Variants in PTPRS observed in about 807,000 individuals in gnomAD.
PTPRS encodes receptor-type tyrosine-protein phosphatase S.
A neutral mutation model predicts 215.3 loss-of-function variants in PTPRS; 63 were observed. That is an observed-to-expected ratio of 0.29 (90% confidence interval 0.24 to 0.36). The LOEUF (loss-of-function observed/expected upper bound fraction) is 0.36. PTPRS is among the 10% of genes least tolerant of loss of function. The probability of loss-of-function intolerance (pLI) is 1.00; values close to 1 mark genes in which losing one functional copy is unlikely to be tolerated. For missense variants in PTPRS, 2,258 were observed against 2,825.8 expected (o/e 0.80, Z 4.56); for synonymous variants, 1,404 against 1,191.4 (o/e 1.18, Z -3.68).
chr19:5,223,343 A>G (rs1180322547), intron 17 of PTPRS, 46 bp from the exon 18 acceptor site: 1 of 1,418,052 alleles, frequency 7.1e-7, no homozygotes, highest in Non-Finnish European at 9.1e-7. Context: ...GCCATCCGCC[A>G]GCCCAGAGGC....
In PTPRS at chr19:5,208,030, G is replaced by A; in HGVS notation, c.5670C>T (p.Phe1890=). ...GCTCCAGCACGATGCTAAGCGTGAT[G>A]AAGACGCCCGTCCTGCCCACGCCGG... ...CSAGVGRTGV[F]ITLSIVLERM... is the part of the protein sequence containing the mutation. Residue 1890 remains phenylalanine, a synonymous_variant, in exon 37 of 38, where the codon TTC becomes TTT. Transcript: ENST00000262963. The A allele has an allele frequency of 6.2e-7, 1 of 1,613,686 alleles. No individual in the cohort carries two copies. The highest frequency in any genetic ancestry group is 8.5e-7 in the Non-Finnish European group (1 of 1,179,888).
Position 5,258,001 on chromosome 19 carries a change from A to G in PTPRS, c.706+16T>C, listed in dbSNP as rs757675132. 6.2e-7 allele frequency: 1 copy of G among 1,607,132 alleles called. No homozygotes were observed. The highest frequency in any genetic ancestry group is 1.7e-5 in the Admixed American group (1 of 59,926). On this transcript the variant is annotated intron_variant, in intron 8 of 37. Transcript: ENST00000262963. ...GGGCGGGTCCCTGCCTTTGACCTGG[A>G]CGCGGCGTTCCCTACCTCGCACGTA... is the stretch of plus-strand genomic sequence containing the variant.
At position 5,223,104 on chromosome 19, in the gene PTPRS, G is replaced by C. The variant is rs539486011; in HGVS notation, c.2688C>G (p.His896Gln). ...GCCGGAACACATACGTGGCCCCCTT[G>C]TGCACGCCTGATGCCGTGTAGCGGT... Reference protein sequence around the residue: ...SEDRYTASGVHKGATYVFRLA... With the variant: ...SEDRYTASGVQKGATYVFRLA... Residue 896 changes from histidine (H) to glutamine (Q), a missense_variant, in exon 18 of 38, where the codon CAC becomes CAG. Physicochemically the swap from His to Gln is conservative, Grantham distance 24 (BLOSUM62 0). Around this residue, in one of 6 missense-constraint regions of PTPRS, gnomAD observed 361 missense variants for 332.6 expected, o/e 1.09. Coordinates refer to ENST00000262963, the MANE Select transcript of PTPRS (RefSeq NM_002850.4). The C allele has an allele frequency of 1.9e-6, 3 of 1,566,166 alleles. No individual in the cohort carries two copies. The highest frequency in any genetic ancestry group is 2.6e-6 in the Non-Finnish European group (3 of 1,156,124).
intron 2 of PTPRS, among the ~76,000 whole-genome samples, chr19:5,282,504 G>C (rs888350777): frequency 1.3e-5 from 2 of 152,094 alleles, no homozygotes; most frequent in African/African-American, 4.8e-5. Flanking sequence ...AGCAAAACAG[G>C]CTCAGAAAGG....
chr19:5,244,000 G>C lies in PTPRS; in HGVS notation c.1471C>G (p.Leu491Val), dbSNP rs1223052760. ...DDSLLTTVGSLLEDETYTVRV... is the reference protein window; with the variant it reads ...DDSLLTTVGSVLEDETYTVRV... ...ACGGTGTAGGTCTCGTCCTCCAGCA[G>C]GCTGCCCACGGTGGTCAGCAGGCTG... The change falls in exon 11 of 38, where the codon CTG becomes GTG. Residue 491 changes from leucine (L) to valine (V), a missense_variant. Coordinates refer to ENST00000262963, the MANE Select transcript of PTPRS (RefSeq NM_002850.4). 1 of 1,473,976 alleles carries C rather than the reference G, an allele frequency of 6.8e-7. No homozygotes were observed. 91.3% of individuals were successfully genotyped at this position (1,473,976 alleles called of 1,614,324 possible). A position where few individuals can be genotyped will look rare whatever the true frequency, so the allele number is the denominator to read the frequency against.
intron 9 of PTPRS, among the ~76,000 whole-genome samples, chr19:5,246,700 A>G (rs1203068816): frequency 6.6e-6 from 1 of 152,172 alleles, no homozygotes; most frequent in Non-Finnish European, 1.5e-5. Flanking sequence ...CCCACTCCCC[A>G]GTGACCTGGG....
chr19:5,263,827 G>A (rs1015980168), intron 5 of PTPRS, among the ~76,000 whole-genome samples: 16 of 152,202 alleles, frequency 1.1e-4, no homozygotes, highest in South Asian at 4.1e-4. Flanking sequence ...AGATGCAGGC[G>A]GACACTTTGC....
Position 5,244,449 on chromosome 19 carries a change from G to A in PTPRS, c.1022C>T (p.Thr341Ile). 6.2e-7 allele frequency: 1 copy of A among 1,614,144 alleles called. No homozygotes were observed. The highest frequency in any genetic ancestry group is 8.5e-7 in the Non-Finnish European group (1 of 1,180,002). ...GGTGATGCTGGTGGCTGTGTTCTCA[G>A]TCACCATGGGAGTCCCGGGAGCTTT... is the stretch of plus-strand genomic sequence containing the variant. ...LPKAPGTPMV[T>I]ENTATSITIT... is the part of the protein sequence containing the mutation. The change falls in exon 11 of 38, where the codon ACT (threonine) becomes ATT (isoleucine). Residue 341 changes from threonine to isoleucine, a missense_variant. By Grantham distance (89) the Thr-to-Ile change is moderately conservative. Around this residue, in one of 6 missense-constraint regions of PTPRS, gnomAD observed 508 missense variants for 799.4 expected, o/e 0.64. Transcript: ENST00000262963. The surrounding 1 kb of genome is among the most constrained non-coding windows in gnomAD (Gnocchi z 7.2).
At chr19:5,256,429 A>G (rs1469226606) in intron 8 of PTPRS, among the ~76,000 whole-genome samples, 1 of 151,634 alleles carries the variant, frequency 6.6e-6, no homozygotes, top group Non-Finnish European at 1.5e-5. Flanking sequence ...ACAGAACCTC[A>G]CCCCCTCAAC....
intron 17 of PTPRS, among the ~76,000 whole-genome samples, chr19:5,223,519 G>C (rs2042199861): frequency 6.6e-6 from 1 of 151,186 alleles, no homozygotes; most frequent in Non-Finnish European, 1.5e-5. Flanking sequence ...GCCTCCCAAA[G>C]TGCTAGGATT....
rs61729779 is a variant in PTPRS at position 5,244,463 on chromosome 19, C to G, written c.1008G>C (p.Gly336=). 341 of 1,613,766 alleles carry G rather than the reference C, an allele frequency of 2.1e-4. 8 individuals are homozygous for G. In the East Asian group the frequency reaches 7.6e-3, roughly 36 times the overall value. ...CTGTGTTCTCAGTCACCATGGGAGT[C>G]CCGGGAGCTTTGGGGAGAGCTGTGG... The part of the protein sequence containing the change: ...ITVKSLPKAP[G]TPMVTENTAT... Residue 336 remains glycine (G), a synonymous_variant, in exon 11 of 38, where the codon GGG becomes GGC. Coordinates refer to ENST00000262963, the MANE Select transcript of PTPRS (RefSeq NM_002850.4). The surrounding 1 kb of genome is among the most constrained non-coding windows in gnomAD (Gnocchi z 7.2).
intron 35 of PTPRS, 77 bp from the exon 36 acceptor site, chr19:5,208,468 A>G (rs1466417801): frequency 2.3e-6 from 3 of 1,306,790 alleles, no homozygotes; most frequent in East Asian, 2.7e-5. Context: ...CCCTATCTTC[A>G]CCCCCATTTT....
intron 1 of PTPRS, among the ~76,000 whole-genome samples, chr19:5,327,204 G>A (rs1462138710): frequency 3.3e-5 from 5 of 152,266 alleles, no homozygotes; most frequent in South Asian, 2.1e-4. Flanking sequence ...TCAATACCCC[G>A]GACACAGCGA....
At chr19:5,280,943 C>G (rs2047797420) in intron 2 of PTPRS, among the ~76,000 whole-genome samples, 1 of 151,748 alleles carries the variant, frequency 6.6e-6, no homozygotes, top group Non-Finnish European at 1.5e-5. Context: ...AGGAACCCAC[C>G]ACAACACCCA....
At chr19:5,319,670 C>T (rs939108919) in intron 1 of PTPRS, among the ~76,000 whole-genome samples, 1 of 152,000 alleles carries the variant, frequency 6.6e-6, no homozygotes, top group Non-Finnish European at 1.5e-5. Flanking sequence ...TGGGCTCCAG[C>T]CACACAGGCC....
At chr19:5,305,763 ATATT>A (rs1203595638) in intron 1 of PTPRS, among the ~76,000 whole-genome samples, 2 of 113,690 alleles carry the variant, frequency 1.8e-5, no homozygotes, top group African/African-American at 4.3e-5. Context: ...ATATATATAT[ATATT>A]TTTTTTTTAA....
chr19:5,310,936 G>A (rs963734356), intron 1 of PTPRS, among the ~76,000 whole-genome samples: 5 of 151,974 alleles, frequency 3.3e-5, no homozygotes, highest in Admixed American at 6.6e-5. Flanking sequence ...CCAGACTGGC[G>A]TGCAGTGGCG....
chr19:5,332,932 TG>T (rs962970235), intron 1 of PTPRS, among the ~76,000 whole-genome samples: 16 of 152,170 alleles, frequency 1.1e-4, no homozygotes, highest in Non-Finnish European at 4.4e-5. Flanking sequence ...GCGGATCACT[TG>T]ATGTCAGGAG....
At chr19:5,217,234 C>A (rs2041557528) in intron 25 of PTPRS, among the ~76,000 whole-genome samples, 1 of 152,228 alleles carries the variant, frequency 6.6e-6, no homozygotes, top group Non-Finnish European at 1.5e-5. Context: ...GATGGAAACA[C>A]AACAGACATC....
Sources: gnomAD v4.1 joint callset for allele counts (sites outside exome capture counted in the v4.1 genomes callset) on GRCh38, gnomAD v4.1.1 for gene constraint, gnomAD v4.1.1 regional missense constraint, Gnocchi (gnomAD v3.1) non-coding constraint, MANE v1.5 for transcripts, NCBI Gene and HGNC (gene_info 2026-07-23, HGNC 2026-07-21) for gene names.